The following GHR variants were observed in gnomAD, a reference collection of about 807,000 sequenced individuals.
GHR encodes GH receptor.
Under a neutral mutation model 67.1 loss-of-function variants are expected in GHR, and 35 were observed. The ratio of observed to expected loss-of-function variants is 0.52; its 90% confidence interval spans 0.40 to 0.69. The LOEUF (loss-of-function observed/expected upper bound fraction) is 0.69. GHR is among the 30% of genes least tolerant of loss of function. The pLI is 0.00. For missense variants in GHR, 792 were observed against 764.6 expected, an observed-to-expected ratio of 1.04 and a Z score of -0.42; for synonymous variants, 272 against 269.1, an observed-to-expected ratio of 1.01 and a Z score of -0.10.
chr5:42,688,120 A>T (rs1224314000), intron 3 of GHR, among the ~76,000 whole-genome samples: 1 of 152,250 alleles, frequency 6.6e-6, no homozygotes, highest in Non-Finnish European at 1.5e-5. Flanking sequence ...TTTTAAAAGA[A>T]TGCAAACATA....
chr5:42,595,624 G>C (rs1320437317), intron 2 of GHR, among the ~76,000 whole-genome samples: 1 of 152,238 alleles, frequency 6.6e-6, no homozygotes, highest in African/African-American at 2.4e-5. Flanking sequence ...GGGGATGAAT[G>C]AATAAGTGAG....
chr5:42,680,478 A>G, intron 3 of GHR, among the ~76,000 whole-genome samples: 1 of 150,364 alleles, frequency 6.7e-6, no homozygotes, highest in Admixed American at 6.6e-5. Flanking sequence ...ATGAAATTTT[A>G]TTAAGATAAA....
intron 3 of GHR, among the ~76,000 whole-genome samples, chr5:42,632,147 G>C (rs1404777663): frequency 6.6e-6 from 1 of 151,950 alleles, no homozygotes; most frequent in Admixed American, 6.5e-5. Context: ...CCTTTCCCAA[G>C]ACCCTGAACA....
At chr5:42,705,530 AG>A (rs1166620747) in intron 6 of GHR, among the ~76,000 whole-genome samples, 6 of 152,056 alleles carry the variant, frequency 3.9e-5, no homozygotes, top group Non-Finnish European at 8.8e-5. Flanking sequence ...CCCAGAAGGT[AG>A]TTTTTTGATC....
intron 1 of GHR, among the ~76,000 whole-genome samples, chr5:42,527,537 C>T (rs1398651987): frequency 6.6e-6 from 1 of 152,190 alleles, no homozygotes; most frequent in African/African-American, 2.4e-5. Flanking sequence ...ATGTACCCAA[C>T]ACAAGAGCAC....
intron 1 of GHR, among the ~76,000 whole-genome samples, chr5:42,527,939 A>G (rs1262434265): frequency 6.6e-6 from 1 of 152,158 alleles, no homozygotes; most frequent in African/African-American, 2.4e-5. Flanking sequence ...GTAATAGTAC[A>G]CCTGTTTACA....
chr5:42,447,767 C>G (rs769696865), intron 1 of GHR, among the ~76,000 whole-genome samples: 1 of 136,118 alleles, frequency 7.3e-6, no homozygotes, highest in South Asian at 2.6e-4. Flanking sequence ...TTTTCTTTCT[C>G]TCTCTCTCTT....
intron 3 of GHR, among the ~76,000 whole-genome samples, chr5:42,666,865 A>G (rs983524134): frequency 2.6e-5 from 4 of 152,224 alleles, no homozygotes; most frequent in Non-Finnish European, 5.9e-5. Flanking sequence ...GAAAAAGCAC[A>G]TGAATCAATA....
At chr5:42,575,957 C>G (rs908949629) in intron 2 of GHR, among the ~76,000 whole-genome samples, 1 of 151,080 alleles carries the variant, frequency 6.6e-6, no homozygotes, top group Non-Finnish European at 1.5e-5. Flanking sequence ...TTGCTTGAAC[C>G]CAGGAGGCAG....
At chr5:42,627,281 C>T (rs991224939) in intron 2 of GHR, among the ~76,000 whole-genome samples, 3 of 152,124 alleles carry the variant, frequency 2.0e-5, no homozygotes, top group African/African-American at 7.2e-5. Context: ...CAAGTTTAAA[C>T]TCAAATAATG....
chr5:42,677,915 T>C (rs6451633), intron 3 of GHR, among the ~76,000 whole-genome samples: 126,124 of 152,072 alleles, frequency 0.83, 52,549 homozygotes, highest in East Asian at 1. Flanking sequence ...GGATGAAATT[T>C]CAAATTAGCA....
chr5:42,535,475 G>C lies in GHR; in HGVS notation c.-11-30389G>C, dbSNP rs527338627. 2.6e-5 allele frequency among the ~76,000 whole-genome samples: 4 copies of C among 152,130 alleles called. No individual in the cohort carries two copies. The South Asian group carries it at 8.3e-4, about 32-fold the overall frequency. On this transcript the variant is annotated intron_variant, in intron 1 of 9. Coordinates refer to ENST00000230882, the MANE Select transcript of GHR (RefSeq NM_000163.5). The stretch of plus-strand genomic sequence containing the variant: ...TAAAATCAGTTAGCTGTAATATTTG[G>C]ATTTATTTCTGGGTTCAATATTCTG...
At chr5:42,508,170 G>C (rs887762762) in intron 1 of GHR, among the ~76,000 whole-genome samples, 2 of 152,174 alleles carry the variant, frequency 1.3e-5, no homozygotes, top group Non-Finnish European at 2.9e-5. Flanking sequence ...CAGGAGAATT[G>C]CTGGTCAGTT....
At chr5:42,515,935 A>C (rs1449525689) in intron 1 of GHR, among the ~76,000 whole-genome samples, 2 of 152,240 alleles carry the variant, frequency 1.3e-5, no homozygotes, top group East Asian at 3.8e-4. Context: ...GAATAAGCCC[A>C]CTGAAAACTA....
chr5:42,487,425 C>T (rs1272206692), intron 1 of GHR, among the ~76,000 whole-genome samples: 7 of 152,100 alleles, frequency 4.6e-5, no homozygotes, highest in Non-Finnish European at 8.8e-5. Context: ...CATTTAATTC[C>T]CCGGTGCCTC....
chr5:42,573,333 G>A (rs571143592), intron 2 of GHR, among the ~76,000 whole-genome samples: 2 of 152,128 alleles, frequency 1.3e-5, no homozygotes, highest in Admixed American at 1.3e-4. Flanking sequence ...GGGCTTTTCC[G>A]GGGGATGGAA....
At chr5:42,599,739 C>T (rs183517233) in intron 2 of GHR, among the ~76,000 whole-genome samples, 2 of 152,258 alleles carry the variant, frequency 1.3e-5, no homozygotes, top group East Asian at 3.9e-4. Flanking sequence ...ACAACAACAA[C>T]AACAACAAAC....
rs190921685 is a variant in GHR, at chr5:42,645,497, G to A, written c.136+16394G>A. 4.1e-3 allele frequency among the ~76,000 whole-genome samples: 625 copies of A among 152,334 alleles called. 1 individual carries two copies. The highest frequency in any genetic ancestry group is 7.3e-3 in the Non-Finnish European group (496 of 68,040). ...TTTTTATTTAATTGAAAACCAAAGA[G>A]AGAGAGAGGAAAGAACCAGTTAGTT... On this transcript the variant is annotated intron_variant, in intron 3 of 9. Transcript: ENST00000230882.
At position 42,495,860 on chromosome 5, in the gene GHR, A is replaced by G. The variant is rs538580246; in HGVS notation, c.-11-70004A>G. Among the ~76,000 whole-genome samples the G allele has an allele frequency of 5.3e-5, 8 of 152,284 alleles. No individual in the cohort carries two copies. In the South Asian group the frequency reaches 1.7e-3, roughly 32 times the overall value. ...TCTTGCTACAGATTAGTTTTGGGCC[A>G]TCATGAAAAACTTTCCTGAAGATTA... On this transcript the variant is annotated intron_variant, in intron 1 of 9. Transcript: ENST00000230882.
Sources: gnomAD v4.1 joint callset for allele counts (sites outside exome capture counted in the v4.1 genomes callset) on GRCh38, gnomAD v4.1.1 for gene constraint, MANE v1.5 for transcripts, NCBI Gene and HGNC (gene_info 2026-07-23, HGNC 2026-07-21) for gene names.